NR3C2: variants seen among roughly 807,000 people sequenced by gnomAD.
The protein encoded by NR3C2 is nuclear receptor subfamily 3 group C member 2, also known as mineralocorticoid receptor.
A neutral mutation model predicts 86.4 loss-of-function variants in NR3C2; 15 were observed. That is an observed-to-expected ratio of 0.17 (90% CI 0.12 to 0.27). NR3C2 has a LOEUF of 0.27. NR3C2 is among the 10% of genes least tolerant of loss of function. The pLI is 1.00. For synonymous variants in NR3C2, 458 were observed against 450.5 expected (o/e 1.02, Z -0.21); for missense variants, 960 against 1,195.6 (o/e 0.80, Z 2.91).
chr4:148,323,004 G>T (rs1361274221), intron 2 of NR3C2, among the ~76,000 whole-genome samples: 2 of 150,260 alleles, frequency 1.3e-5, no homozygotes, highest in African/African-American at 4.9e-5. Context: ...CCCCAACTTT[G>T]TGGTTTTATC....
intron 6 of NR3C2, among the ~76,000 whole-genome samples, chr4:148,148,177 A>C (rs1733955062): frequency 6.6e-6 from 1 of 151,392 alleles, no homozygotes; most frequent in Non-Finnish European, 1.5e-5. Context: ...TTCTTCCCTT[A>C]TTCCCTATCC....
intron 2 of NR3C2, among the ~76,000 whole-genome samples, chr4:148,317,805 ATT>A (rs74674872): frequency 1.1e-4 from 17 of 149,242 alleles, no homozygotes; most frequent in African/African-American, 3.2e-4. Context: ...AGTCTATCTC[ATT>A]TTTTTTTTTA....
At chr4:148,285,275 T>C (rs1347614142) in intron 2 of NR3C2, among the ~76,000 whole-genome samples, 1 of 152,234 alleles carries the variant, frequency 6.6e-6, no homozygotes, top group Non-Finnish European at 1.5e-5. Flanking sequence ...CAGTAACTTC[T>C]ATTGTGAAAG....
chr4:148,419,354 C>T (rs1344776080), intron 2 of NR3C2, among the ~76,000 whole-genome samples: 2 of 152,162 alleles, frequency 1.3e-5, no homozygotes, highest in South Asian at 2.1e-4. Flanking sequence ...GAAGGGCCCA[C>T]GAATCTTCTG....
intron 8 of NR3C2, among the ~76,000 whole-genome samples, chr4:148,098,489 C>T (rs929655550): frequency 1.3e-5 from 2 of 152,132 alleles, no homozygotes; most frequent in African/African-American, 4.8e-5. Flanking sequence ...AAAAACATGG[C>T]ATGCAGTAGA....
At chr4:148,193,844 G>A (rs1359867809) in intron 4 of NR3C2, among the ~76,000 whole-genome samples, 1 of 152,130 alleles carries the variant, frequency 6.6e-6, no homozygotes, top group African/African-American at 2.4e-5. Flanking sequence ...GGTGTATATA[G>A]TTAAGAGCTG....
At chr4:148,116,542 G>A (rs111571952) in intron 7 of NR3C2, among the ~76,000 whole-genome samples, 3 of 152,272 alleles carry the variant, frequency 2.0e-5, no homozygotes, top group Non-Finnish European at 4.4e-5. Flanking sequence ...TGTCAGTCCC[G>A]AAAAACTTTG....
chr4:148,189,271 A>AT (rs1736084897), intron 4 of NR3C2, among the ~76,000 whole-genome samples: 1 of 151,774 alleles, frequency 6.6e-6, no homozygotes, highest in African/African-American at 2.4e-5. Context: ...TGTCTAATGC[A>AT]TTTTTTGCAT....
intron 2 of NR3C2, among the ~76,000 whole-genome samples, chr4:148,293,034 C>T (rs1741871170): frequency 6.6e-6 from 1 of 152,060 alleles, no homozygotes; most frequent in Non-Finnish European, 1.5e-5. Flanking sequence ...TGATACGAAA[C>T]AAAGTTAACA....
chr4:148,179,258 G>T (rs184669241), intron 4 of NR3C2, among the ~76,000 whole-genome samples: 5 of 151,652 alleles, frequency 3.3e-5, no homozygotes, highest in Middle Eastern at 3.4e-3. Context: ...AAAGAGAAAG[G>T]ACAGTTCGGA....
At chr4:148,162,853 C>T (rs1026747837) in intron 4 of NR3C2, among the ~76,000 whole-genome samples, 2 of 152,072 alleles carry the variant, frequency 1.3e-5, no homozygotes, top group Admixed American at 1.3e-4. Context: ...TGATATAGAC[C>T]TTGAGGAGTA....
chr4:148,413,177 C>T (rs1560719165), intron 2 of NR3C2, among the ~76,000 whole-genome samples: 1 of 152,192 alleles, frequency 6.6e-6, no homozygotes, highest in Non-Finnish European at 1.5e-5. Flanking sequence ...ATAGCACTCA[C>T]TCTTCGTAAG....
chr4:148,313,555 G>A (rs1283602289), intron 2 of NR3C2, among the ~76,000 whole-genome samples: 1 of 152,102 alleles, frequency 6.6e-6, no homozygotes, highest in Non-Finnish European at 1.5e-5. Context: ...GATATTATCG[G>A]TCGTGCTTTA....
At chr4:148,352,484 G>A (rs1745339443) in intron 2 of NR3C2, among the ~76,000 whole-genome samples, 1 of 151,532 alleles carries the variant, frequency 6.6e-6, no homozygotes, top group African/African-American at 2.4e-5. Flanking sequence ...TCTTCACCCA[G>A]GGGTTGCAAA....
chr4:148,149,626 G>C (rs1734017781), intron 6 of NR3C2, among the ~76,000 whole-genome samples: 1 of 152,174 alleles, frequency 6.6e-6, no homozygotes, highest in Non-Finnish European at 1.5e-5. Flanking sequence ...GCAAGCCACA[G>C]GTTGAGACAC....
chr4:148,187,018 A>AAAGAAAC (rs1735950247), intron 4 of NR3C2, among the ~76,000 whole-genome samples: 2 of 132,724 alleles, frequency 1.5e-5, no homozygotes, highest in African/African-American at 5.4e-5. Context: ...ATATATATAT[A>AAAGAAAC]TATATATATA....
chr4:148,443,067 A>G (rs961589320), upstream of NR3C2: 11 of 738,856 alleles, frequency 1.5e-5, no homozygotes, highest in South Asian at 6.7e-4. Flanking sequence ...GCCCCTTTCC[A>G]CTGTCTCCAG....
chr4:148,390,152 T>C (rs925231256), intron 2 of NR3C2, among the ~76,000 whole-genome samples: 15 of 130,854 alleles, frequency 1.1e-4, no homozygotes, highest in African/African-American at 4.0e-4. Context: ...CTGCAGGAAA[T>C]ATGATCAGGA....
At chr4:148,221,990 G>A (rs565883642) in intron 3 of NR3C2, among the ~76,000 whole-genome samples, 178 of 151,602 alleles carry the variant, frequency 1.2e-3, no homozygotes, top group African/African-American at 4.0e-3. Flanking sequence ...ATACATGTCT[G>A]TGTATGTATG....
Sources: gnomAD v4.1 joint callset for allele counts (sites outside exome capture counted in the v4.1 genomes callset) on GRCh38, gnomAD v4.1.1 for gene constraint, MANE v1.5 for transcripts, NCBI Gene and HGNC (gene_info 2026-07-23, HGNC 2026-07-21) for gene names.